LRRC8C: variants seen among roughly 807,000 people sequenced by gnomAD.
The protein encoded by LRRC8C is volume-regulated anion channel subunit LRRC8C.
Under a neutral mutation model 55.3 loss-of-function variants are expected in LRRC8C, and 20 were observed. The ratio of observed to expected loss-of-function variants is 0.36; its 90% CI spans 0.25 to 0.53. LRRC8C has a LOEUF of 0.53. LRRC8C is among the 20% of genes least tolerant of loss of function. The pLI, the probability that LRRC8C is intolerant of heterozygous loss-of-function variation, is 0.92. For synonymous variants in LRRC8C, 376 were observed against 360.7 expected (o/e 1.04, Z -0.48); for missense variants, 659 against 951.4 (o/e 0.69, Z 4.04).
At chr1:89,673,014 A>G (rs769969875) in intron 1 of LRRC8C, among the ~76,000 whole-genome samples, 7 of 152,094 alleles carry the variant, frequency 4.6e-5, no homozygotes, top group Non-Finnish European at 1.0e-4. Context: ...TGCCCAAAAC[A>G]TCATCTACTT....
At chr1:89,643,665 T>C (rs1042991796) in intron 1 of LRRC8C, among the ~76,000 whole-genome samples, 1 of 152,238 alleles carries the variant, frequency 6.6e-6, no homozygotes, top group Non-Finnish European at 1.5e-5. Flanking sequence ...AATTCAATTT[T>C]GAAAGGATTT....
intron 1 of LRRC8C, among the ~76,000 whole-genome samples, chr1:89,641,112 A>C (rs1175554149): frequency 4.6e-5 from 7 of 152,240 alleles, no homozygotes; most frequent in African/African-American, 1.7e-4. Context: ...ATATGAATAA[A>C]ATATAAGATG....
At chr1:89,658,565 A>G (rs1657013169) in intron 1 of LRRC8C, among the ~76,000 whole-genome samples, 1 of 152,198 alleles carries the variant, frequency 6.6e-6, no homozygotes, top group East Asian at 1.9e-4. Context: ...ATTTTAAGGA[A>G]GATTATACCT....
chr1:89,647,788 A>G (rs1656655051), intron 1 of LRRC8C, among the ~76,000 whole-genome samples: 1 of 152,216 alleles, frequency 6.6e-6, no homozygotes, highest in African/African-American at 2.4e-5. Flanking sequence ...GGTGTGTGAC[A>G]ATTTTTAGTG....
intron 2 of LRRC8C, among the ~76,000 whole-genome samples, chr1:89,697,045 A>C (rs1658192758): frequency 6.6e-6 from 1 of 152,180 alleles, no homozygotes; most frequent in Non-Finnish European, 1.5e-5. Context: ...GCACACATAA[A>C]TGACTAACAA....
rs977988353 is a variant in LRRC8C at position 89,647,395 on chromosome 1, G to A, written c.-5+14073G>A. Among the ~76,000 whole-genome samples the A allele has an allele frequency of 1.4e-4, 22 of 152,266 alleles. 2 individuals carry two copies. Among genetic ancestry groups the A allele is most frequent in the Admixed American group, 9.2e-4 (14 of 15,288 alleles). On this transcript the variant is annotated intron_variant, in intron 1 of 2. Transcript: ENST00000370454. ...AGGGAATTGAGAAGGTCATAGTATTGCCTAGCTTATTTACTAATAACTGTA... is the reference window on the plus strand; with the variant it reads ...AGGGAATTGAGAAGGTCATAGTATTACCTAGCTTATTTACTAATAACTGTA...
chr1:89,633,579 G>A lies in LRRC8C; in HGVS notation c.-5+257G>A, dbSNP rs927525880. Among the ~76,000 whole-genome samples the A allele has an allele frequency of 2.0e-5, 3 of 152,316 alleles. No individual in the cohort carries two copies. The East Asian group carries it at 5.8e-4, about 30-fold the overall frequency. ...CCCGAGCGGCCGCGCGAGGATCTCA[G>A]CCTGGCGCCCAACGCCGCGCCGCAG... On this transcript the variant is annotated intron_variant, in intron 1 of 2. Coordinates refer to ENST00000370454, the MANE Select transcript of LRRC8C (RefSeq NM_032270.5).
chr1:89,652,883 G>T (rs1013689752), intron 1 of LRRC8C, among the ~76,000 whole-genome samples: 2 of 152,130 alleles, frequency 1.3e-5, no homozygotes, highest in East Asian at 3.8e-4. Flanking sequence ...ATCTGGAGGA[G>T]GTGGGGAGAC....
rs779364569 is a variant in LRRC8C at position 89,714,192 on chromosome 1, T to A, written c.1622T>A (p.Leu541His). The A allele has an allele frequency of 6.2e-7, 1 of 1,614,112 alleles. No individual in the cohort carries two copies. The highest frequency in any genetic ancestry group is 1.1e-5 in the South Asian group (1 of 91,070). ...GTCACCCTTGAGTCTCTGCGGGATC[T>A]CAAAAGCCTTAAAATTCTCTCTATC... Reference protein sequence around the residue: ...RNVTLESLRDLKSLKILSIKS... With the variant: ...RNVTLESLRDHKSLKILSIKS... The change falls in exon 3 of 3, where the codon CTC becomes CAC. Residue 541 changes from leucine to histidine, a missense_variant. By Grantham distance (99) the Leu-to-His change is moderately conservative (BLOSUM62 -3). Transcript: ENST00000370454. This position sits in a 1 kb window ranked among gnomAD's most constrained non-coding sequence, Gnocchi z 4.6.
intron 1 of LRRC8C, among the ~76,000 whole-genome samples, chr1:89,645,255 C>T (rs1170591864): frequency 4.0e-5 from 6 of 151,666 alleles, no homozygotes; most frequent in Non-Finnish European, 8.8e-5. Context: ...ATGAGCTTAA[C>T]AACAATTGGA....
chr1:89,683,464 TCTC>T (rs1657785754), intron 1 of LRRC8C, among the ~76,000 whole-genome samples: 1 of 151,996 alleles, frequency 6.6e-6, no homozygotes, highest in African/African-American at 2.4e-5. Flanking sequence ...TTGAAGCGAT[TCTC>T]CTGCCTCAGC....
intron 2 of LRRC8C, 55 bp downstream of exon 2, chr1:89,686,666 A>G (rs530519779): frequency 6.3e-7 from 1 of 1,595,046 alleles, no homozygotes; most frequent in South Asian, 1.1e-5. Context: ...CAAGTCATTG[A>G]AACCTCTTTA....
intron 1 of LRRC8C, among the ~76,000 whole-genome samples, chr1:89,682,489 A>G (rs1267165601): frequency 6.6e-6 from 1 of 152,210 alleles, no homozygotes; most frequent in Non-Finnish European, 1.5e-5. Context: ...TTCTCAAAGT[A>G]TGGTTCATGG....
chr1:89,713,482 A>G lies in LRRC8C; in HGVS notation c.912A>G (p.Lys304=). The change falls in exon 3 of 3, where the codon AAA becomes AAG. Residue 304 remains lysine (K), a synonymous_variant. Transcript: ENST00000370454. This position sits in a 1 kb window ranked among gnomAD's most constrained non-coding sequence, Gnocchi z 5.2. ...ACATTCAGGACATGACTGGATATAA[A>G]AACTTTTCTTGCAATCATACCATGG... ...NVDIQDMTGY[K]NFSCNHTMAH... is the part of the protein sequence containing the mutation. The G allele has an allele frequency of 6.2e-7, 1 of 1,614,170 alleles. No individual in the cohort carries two copies. The highest frequency in any genetic ancestry group is 8.5e-7 in the Non-Finnish European group (1 of 1,180,036).
At chr1:89,694,337 G>A (rs563369155) in intron 2 of LRRC8C, among the ~76,000 whole-genome samples, 3 of 152,286 alleles carry the variant, frequency 2.0e-5, no homozygotes, top group African/African-American at 7.2e-5. Flanking sequence ...GGAGAAAAAA[G>A]TGATATGGTG....
At chr1:89,636,168 A>G (rs1372643447) in intron 1 of LRRC8C, among the ~76,000 whole-genome samples, 1 of 152,146 alleles carries the variant, frequency 6.6e-6, no homozygotes, top group Admixed American at 6.5e-5. Flanking sequence ...CCCTAGCTGG[A>G]TCACTGTGCA....
intron 2 of LRRC8C, among the ~76,000 whole-genome samples, chr1:89,709,741 G>GTTTTTTTTTTTGTT (rs746711104): frequency 1.1e-5 from 1 of 91,892 alleles, no homozygotes; most frequent in Non-Finnish European, 2.4e-5. Flanking sequence ...TTTGTGTGTG[G>GTTTTTTTTTTTGTT]TTTTTTTTTG....
rs973855457 is a variant in LRRC8C at position 89,718,905 on chromosome 1, A to G, written c.*3923A>G. On this transcript the variant is annotated 3_prime_UTR_variant, in exon 3 of 3. Coordinates refer to ENST00000370454, the MANE Select transcript of LRRC8C (RefSeq NM_032270.5). The stretch of plus-strand genomic sequence containing the variant: ...CTTAAAAGATCAAGAAAATTTTCTC[A>G]TCTTTTCTTTCTACTTAGAAACATT... 8 of 152,168 alleles carry G rather than the reference A, an allele frequency of 5.3e-5. No homozygotes were observed. The highest frequency in any genetic ancestry group is 1.3e-4 in the Admixed American group (2 of 15,284). The allele number at this position is 152,168 out of a possible 1,614,324, so 9.4% of individuals were successfully genotyped here.
At chr1:89,704,866 G>A (rs375560252) in intron 2 of LRRC8C, among the ~76,000 whole-genome samples, 1 of 152,002 alleles carries the variant, frequency 6.6e-6, no homozygotes, top group Non-Finnish European at 1.5e-5. Context: ...TCAGTGTGGC[G>A]ATTCCTCAGG....
Sources: allele counts gnomAD v4.1 joint callset (sites outside exome capture counted in the v4.1 genomes callset), GRCh38; gene constraint gnomAD v4.1.1; non-coding constraint Gnocchi (gnomAD v3.1); transcripts MANE v1.5; gene names NCBI Gene and HGNC (gene_info 2026-07-23, HGNC 2026-07-21).